Variants in PCBP3 observed in about 807,000 individuals in gnomAD.
PCBP3 encodes poly(rC)-binding protein 3.
In PCBP3, 25 loss-of-function variants were observed where a neutral mutation model predicts 52.7. The ratio of observed to expected loss-of-function variants is 0.47; its 90% confidence interval spans 0.35 to 0.66. The LOEUF is 0.66. PCBP3 is among the 30% of genes least tolerant of loss of function. PCBP3 has a pLI of 0.01. For synonymous variants in PCBP3, 162 were observed against 183.0 expected (o/e 0.89, Z 0.93); for missense variants, 391 against 490.3 (o/e 0.80, Z 1.91).
intron 4 of PCBP3, among the ~76,000 whole-genome samples, chr21:45,790,032 C>T (rs937832217): frequency 2.0e-5 from 3 of 152,140 alleles, no homozygotes; most frequent in African/African-American, 2.4e-5. Context: ...CCCAGCTACG[C>T]GGGAGGCTGA....
chr21:45,818,646 A>G (rs2093037939), intron 4 of PCBP3, among the ~76,000 whole-genome samples: 1 of 152,238 alleles, frequency 6.6e-6, no homozygotes, highest in African/African-American at 2.4e-5. Flanking sequence ...GAGATCTATT[A>G]GTCATGCTCC....
rs919131399 is a variant in PCBP3 at position 45,766,002 on chromosome 21, T to C, written c.-126+10550T>C. 4.6e-5 allele frequency among the ~76,000 whole-genome samples: 7 copies of C among 152,254 alleles called. No individual in the cohort carries two copies. The South Asian group carries it at 1.4e-3, about 32-fold the overall frequency. ...GTCAGTGATGTTGGATGTGGGCTAC[T>C]GTGCCTTTTAAATGTGGAAATGTTG... On this transcript the variant is annotated intron_variant, in intron 4 of 17. Transcript: ENST00000681687.
intron 4 of PCBP3, among the ~76,000 whole-genome samples, chr21:45,789,703 G>A (rs974218305): frequency 3.3e-5 from 5 of 152,124 alleles, no homozygotes; most frequent in Admixed American, 1.3e-4. Context: ...GTCCTGTGGC[G>A]TCCTAAGAGC....
chr21:45,894,501 G>T (rs1402083616), intron 5 of PCBP3, among the ~76,000 whole-genome samples: 1 of 152,104 alleles, frequency 6.6e-6, no homozygotes, highest in African/African-American at 2.4e-5. Flanking sequence ...GCACACAGAG[G>T]TGCTTCTCAG....
At chr21:45,899,922 A>G (rs1345224891) in intron 7 of PCBP3, among the ~76,000 whole-genome samples, 3 of 152,032 alleles carry the variant, frequency 2.0e-5, no homozygotes, top group African/African-American at 7.2e-5. Flanking sequence ...CCCACGAAGA[A>G]TGATTTCTCA....
In PCBP3 at chr21:45,917,585, T is replaced by C. The variant is rs768377173; in HGVS notation, c.676-3T>C. On this transcript the variant is annotated splice_region_variant and splice_polypyrimidine_tract_variant and intron_variant, in intron 12 of 17. Transcript: ENST00000681687. This position sits in a 1 kb window ranked among gnomAD's most constrained non-coding sequence, Gnocchi z 5.3. ...GTCTGACGGGGTCTCTCTCTCTCTC[T>C]AGGCCTACACAATCCAGGGACAGTA... is the stretch of plus-strand genomic sequence containing the variant. 6.2e-7 allele frequency: 1 copy of C among 1,612,462 alleles called. No individual in the cohort carries two copies. Among genetic ancestry groups the C allele is most frequent in the East Asian group, 2.2e-5 (1 of 44,858 alleles).
intron 4 of PCBP3, among the ~76,000 whole-genome samples, chr21:45,825,594 G>A (rs564492314): frequency 6.6e-6 from 1 of 152,318 alleles, no homozygotes; most frequent in South Asian, 2.1e-4. Flanking sequence ...GTTTCCTTCA[G>A]ATTGTTTTTC....
chr21:45,654,389 G>A (rs1248016423), intron 1 of PCBP3, among the ~76,000 whole-genome samples: 8 of 137,592 alleles, frequency 5.8e-5, no homozygotes, highest in African/African-American at 2.2e-4. Context: ...TTGCCAGGCT[G>A]GAGTGCAGTG....
chr21:45,649,714 T>G (rs2079554874), intron 1 of PCBP3, among the ~76,000 whole-genome samples: 1 of 152,150 alleles, frequency 6.6e-6, no homozygotes, highest in African/African-American at 2.4e-5. Flanking sequence ...GAAAGTTGTA[T>G]GGAGATTGTG....
At chr21:45,847,891 T>G (rs1221207716) in intron 4 of PCBP3, among the ~76,000 whole-genome samples, 1 of 152,212 alleles carries the variant, frequency 6.6e-6, no homozygotes, top group Non-Finnish European at 1.5e-5. Flanking sequence ...AAGTATTAGG[T>G]CTGTTTCGTA....
intron 4 of PCBP3, among the ~76,000 whole-genome samples, chr21:45,840,456 C>CAAAAAAA (rs36059363): frequency 5.7e-5 from 5 of 87,994 alleles, no homozygotes; most frequent in African/African-American, 2.4e-4. Flanking sequence ...GACCCTGTCT[C>CAAAAAAA]AAAAAAAAAA....
At chr21:45,933,975 G>C (rs1160384886) in intron 15 of PCBP3, among the ~76,000 whole-genome samples, 1 of 152,180 alleles carries the variant, frequency 6.6e-6, no homozygotes, top group Non-Finnish European at 1.5e-5. Flanking sequence ...GGGCACAGGA[G>C]GCGCCGTGAG....
At chr21:45,710,079 C>G (rs2083727912) in intron 2 of PCBP3, among the ~76,000 whole-genome samples, 1 of 152,196 alleles carries the variant, frequency 6.6e-6, no homozygotes, top group African/African-American at 2.4e-5. Flanking sequence ...CATCACTGTT[C>G]ATGGTGACCT....
At chr21:45,905,562 G>A (rs528799301) in intron 9 of PCBP3, among the ~76,000 whole-genome samples, 30 of 152,348 alleles carry the variant, frequency 2.0e-4, no homozygotes, top group African/African-American at 1.7e-4. Flanking sequence ...TGGCTTACAC[G>A]GCAGACGCTG....
chr21:45,872,134 G>C (rs1048481683), intron 5 of PCBP3: 1 of 152,324 alleles, frequency 6.6e-6, no homozygotes, highest in African/African-American at 2.4e-5. Context: ...GGACGAGGAT[G>C]AGGGCTCTCC....
intron 5 of PCBP3, 47 bp from the exon 6 acceptor site, chr21:45,896,161 G>A: frequency 3.3e-6 from 5 of 1,535,612 alleles, no homozygotes; most frequent in Non-Finnish European, 4.4e-6. Flanking sequence ...GGATGTGCGT[G>A]GTCCGTGAGA....
chr21:45,921,809 A>C (rs774854305), intron 13 of PCBP3, among the ~76,000 whole-genome samples: 8 of 151,352 alleles, frequency 5.3e-5, no homozygotes, highest in African/African-American at 1.7e-4. Context: ...ACAGAACGAG[A>C]CCCGTTTCAA....
At chr21:45,781,459 G>C (rs1212494394) in intron 4 of PCBP3, among the ~76,000 whole-genome samples, 1 of 152,188 alleles carries the variant, frequency 6.6e-6, no homozygotes, top group African/African-American at 2.4e-5. Flanking sequence ...TGAGAACCAC[G>C]ATGAGAAACC....
chr21:45,730,575 C>G (rs2085379056), intron 2 of PCBP3, among the ~76,000 whole-genome samples: 1 of 152,078 alleles, frequency 6.6e-6, no homozygotes, highest in South Asian at 2.1e-4. Flanking sequence ...TTTGAGTCTC[C>G]TATATCCCGT....
Sources: allele counts gnomAD v4.1 joint callset (sites outside exome capture counted in the v4.1 genomes callset), GRCh38; gene constraint gnomAD v4.1.1; non-coding constraint Gnocchi (gnomAD v3.1); transcripts MANE v1.5; gene names NCBI Gene and HGNC (gene_info 2026-07-23, HGNC 2026-07-21).